GTF2F2: variants seen among roughly 807,000 people sequenced by gnomAD.
GTF2F2 encodes general transcription factor IIF subunit 2.
A neutral mutation model predicts 42.2 loss-of-function variants in GTF2F2; 23 were observed. The observed-to-expected ratio is 0.55, with a 90% confidence interval of 0.39 to 0.77. The LOEUF (loss-of-function observed/expected upper bound fraction) is 0.77. GTF2F2 is among the 30% of genes least tolerant of loss of function. The pLI is 0.00. For missense variants in GTF2F2, 261 were observed against 287.2 expected, an observed-to-expected ratio of 0.91 and a Z score of 0.66; for synonymous variants, 105 against 100.8, an observed-to-expected ratio of 1.04 and a Z score of -0.25.
chr13:45,201,572 C>G (rs1386879977), intron 4 of GTF2F2, among the ~76,000 whole-genome samples: 2 of 152,088 alleles, frequency 1.3e-5, no homozygotes, highest in African/African-American at 4.8e-5. Context: ...TAACTAGAAG[C>G]CTTCAGTTCT....
chr13:45,180,030 C>T (rs1872073368), intron 4 of GTF2F2, among the ~76,000 whole-genome samples: 1 of 152,028 alleles, frequency 6.6e-6, no homozygotes, highest in African/African-American at 2.4e-5. Flanking sequence ...CCATGTTTTT[C>T]ACTTTTTGAC....
chr13:45,216,321 TA>T (rs1475917522), intron 5 of GTF2F2, among the ~76,000 whole-genome samples: 7 of 152,174 alleles, frequency 4.6e-5, no homozygotes, highest in African/African-American at 1.4e-4. Context: ...CACTTTAAGA[TA>T]GGGGGAGTGA....
intron 4 of GTF2F2, among the ~76,000 whole-genome samples, chr13:45,189,717 A>G (rs148336040): frequency 5.6e-4 from 85 of 152,264 alleles, no homozygotes; most frequent in Middle Eastern, 3.4e-3. Flanking sequence ...GGCATGGGCA[A>G]AGGCCATTGT....
intron 5 of GTF2F2, among the ~76,000 whole-genome samples, chr13:45,252,214 C>T (rs912892488): frequency 2.6e-4 from 39 of 152,326 alleles, no homozygotes; most frequent in African/African-American, 9.1e-4. Context: ...ACAGTCACAG[C>T]TCACTGTGGC....
intron 1 of GTF2F2, among the ~76,000 whole-genome samples, chr13:45,135,143 G>A (rs1396321375): frequency 6.6e-6 from 1 of 151,986 alleles, no homozygotes; most frequent in Non-Finnish European, 1.5e-5. Context: ...TAGTAGAGAC[G>A]GGATTCCGCC....
intron 4 of GTF2F2, among the ~76,000 whole-genome samples, chr13:45,190,535 G>T (rs1356549239): frequency 6.6e-6 from 1 of 152,044 alleles, no homozygotes; most frequent in Non-Finnish European, 1.5e-5. Context: ...GTAATCTTGG[G>T]CAGGTTACTT....
chr13:45,120,715 A>G lies in GTF2F2; in HGVS notation c.60A>G (p.Leu20=). The change falls in exon 1 of 8, where the codon CTA becomes CTG. Residue 20 remains leucine (L), a synonymous_variant. Coordinates refer to ENST00000340473, the MANE Select transcript of GTF2F2 (RefSeq NM_004128.3). ...TGAKQNTGVW[L]VKVPKYLSQQ... Reference sequence around the variant, plus strand: ...CCAAACAGAACACAGGAGTGTGGCTAGTCAAGGTAATGTTCGCGAGTCTCC... The same window carrying G: ...CCAAACAGAACACAGGAGTGTGGCTGGTCAAGGTAATGTTCGCGAGTCTCC... The G allele has an allele frequency of 6.4e-7, 1 of 1,555,730 alleles. No individual in the cohort carries two copies. The highest frequency in any genetic ancestry group is 8.7e-7 in the Non-Finnish European group (1 of 1,148,468).
chr13:45,170,463 A>C (rs151060056), intron 4 of GTF2F2, among the ~76,000 whole-genome samples: 6 of 152,348 alleles, frequency 3.9e-5, no homozygotes, highest in Non-Finnish European at 5.9e-5. Flanking sequence ...AGTGAATGTC[A>C]GTTGAGTCAG....
intron 6 of GTF2F2, among the ~76,000 whole-genome samples, chr13:45,264,164 A>G (rs556976124): frequency 1.3e-5 from 2 of 150,176 alleles, no homozygotes; most frequent in African/African-American, 5.0e-5. Flanking sequence ...AAAGATAAGC[A>G]TATATTTTTA....
At chr13:45,254,187 A>AT (rs1876000688) in intron 6 of GTF2F2, among the ~76,000 whole-genome samples, 1 of 151,980 alleles carries the variant, frequency 6.6e-6, no homozygotes, top group African/African-American at 2.4e-5. Flanking sequence ...TGTTAGGGTT[A>AT]TTCTATTTTA....
chr13:45,266,629 C>A (rs1386818667), intron 6 of GTF2F2, among the ~76,000 whole-genome samples: 1 of 152,180 alleles, frequency 6.6e-6, no homozygotes, highest in Non-Finnish European at 1.5e-5. Context: ...AACCAGTTAA[C>A]CGCACTGAAT....
At chr13:45,274,378 G>A (rs1876933522) in intron 7 of GTF2F2, among the ~76,000 whole-genome samples, 1 of 142,412 alleles carries the variant, frequency 7.0e-6, no homozygotes, top group African/African-American at 2.7e-5. Flanking sequence ...CCAGGCTGGA[G>A]TGCAGTGACG....
chr13:45,244,311 C>T (rs1253708389), intron 5 of GTF2F2, among the ~76,000 whole-genome samples: 1 of 152,014 alleles, frequency 6.6e-6, no homozygotes, highest in African/African-American at 2.4e-5. Context: ...AGCATGAACC[C>T]TAGATTGAAA....
At chr13:45,223,047 A>G (rs756436641) in intron 5 of GTF2F2, among the ~76,000 whole-genome samples, 11 of 151,878 alleles carry the variant, frequency 7.2e-5, no homozygotes, top group Non-Finnish European at 1.5e-4. Context: ...TTTTATGGAG[A>G]CTTCATCTCT....
At chr13:45,243,661 G>T (rs9534079) in intron 5 of GTF2F2, among the ~76,000 whole-genome samples, 42,473 of 151,984 alleles carry the variant, frequency 0.28, 6,946 homozygotes, top group African/African-American at 0.44. Context: ...TTGTTTTTGG[G>T]TTTTTTGTTT....
chr13:45,221,914 A>G (rs1874135387), intron 5 of GTF2F2, among the ~76,000 whole-genome samples: 2 of 152,126 alleles, frequency 1.3e-5, no homozygotes, highest in African/African-American at 4.8e-5. Flanking sequence ...TTTCTGTCTA[A>G]ACACATATCT....
At chr13:45,263,618 T>C (rs1474718001) in intron 6 of GTF2F2, 3 of 152,162 alleles carry the variant, frequency 2.0e-5, no homozygotes, top group African/African-American at 7.2e-5. Context: ...ATCCTCAAGC[T>C]TTGGGCTCGA....
chr13:45,132,621 AG>A (rs1456182029), intron 1 of GTF2F2, among the ~76,000 whole-genome samples: 1 of 152,212 alleles, frequency 6.6e-6, no homozygotes, highest in Non-Finnish European at 1.5e-5. Flanking sequence ...GTGTACTTGA[AG>A]GAAATATGTC....
At chr13:45,205,079 A>G (rs537261641) in intron 4 of GTF2F2, among the ~76,000 whole-genome samples, 19 of 152,206 alleles carry the variant, frequency 1.2e-4, no homozygotes, top group Non-Finnish European at 1.8e-4. Flanking sequence ...GTACTGCTAA[A>G]TAAGTGGGGA....
Sources: gnomAD v4.1 joint callset for allele counts (sites outside exome capture counted in the v4.1 genomes callset) on GRCh38, gnomAD v4.1.1 for gene constraint, MANE v1.5 for transcripts, NCBI Gene and HGNC (gene_info 2026-07-23, HGNC 2026-07-21) for gene names.